Variants in BTBD9 observed in about 807,000 individuals in gnomAD.
BTBD9 encodes the protein BTB/POZ domain-containing protein 9.
BTBD9 carries 49 observed loss-of-function variants against 64.3 expected under a neutral mutation model. The ratio of observed to expected loss-of-function variants is 0.76; its 90% CI spans 0.61 to 0.97. The LOEUF is 0.97. Among genes scored for constraint, BTBD9 ranks in the 50% least tolerant of loss-of-function variants. BTBD9 has a pLI of 0.00. For missense variants in BTBD9, 598 were observed against 762.1 expected (o/e 0.78, Z 2.53); for synonymous variants, 260 against 274.7 (o/e 0.95, Z 0.53).
chr6:38,376,769 C>T (rs1765709065), intron 6 of BTBD9, among the ~76,000 whole-genome samples: 1 of 152,108 alleles, frequency 6.6e-6, no homozygotes. Flanking sequence ...ACTCTGGGTA[C>T]TCAAGAACTC....
intron 6 of BTBD9, among the ~76,000 whole-genome samples, chr6:38,561,081 C>A (rs1331631087): frequency 2.6e-5 from 4 of 152,042 alleles, no homozygotes; most frequent in African/African-American, 9.7e-5. Context: ...AATTTATAAT[C>A]CGTTGGGTAT....
chr6:38,578,709 G>A (rs1399972691), intron 5 of BTBD9, among the ~76,000 whole-genome samples: 1 of 152,092 alleles, frequency 6.6e-6, no homozygotes, highest in African/African-American at 2.4e-5. Context: ...CAACATGTCA[G>A]AATCTTTTTG....
chr6:38,586,909 A>G (rs1328719356), intron 4 of BTBD9, among the ~76,000 whole-genome samples: 1 of 151,878 alleles, frequency 6.6e-6, no homozygotes, highest in African/African-American at 2.4e-5. Flanking sequence ...CTAAATATAC[A>G]AAAATTAGCC....
intron 6 of BTBD9, among the ~76,000 whole-genome samples, chr6:38,345,361 T>C (rs1267915947): frequency 6.6e-6 from 1 of 152,232 alleles, no homozygotes; most frequent in Non-Finnish European, 1.5e-5. Context: ...CCAAACCAGG[T>C]ACTGTTCAGT....
intron 1 of BTBD9, among the ~76,000 whole-genome samples, chr6:38,613,233 C>T (rs896477125): frequency 4.6e-5 from 7 of 152,130 alleles, no homozygotes; most frequent in Non-Finnish European, 7.4e-5. Flanking sequence ...ACAAGGCTTG[C>T]GTTTGTAACT....
At position 38,598,052 on chromosome 6, in the gene BTBD9, C is replaced by A. The variant is rs369202125; in HGVS notation, c.43G>T (p.Glu15Ter). 2 of 1,613,916 alleles carry A rather than the reference C, an allele frequency of 1.2e-6. No individual in the cohort carries two copies. Among genetic ancestry groups the A allele is most frequent in the East Asian group, 2.2e-5 (1 of 44,886 alleles). The part of the protein sequence containing the change: ...HPLRPFTAVG[E>*]IDHVHILSEH... ...GACAAAATGTGCACATGATCAATTT[C>A]CCCCACTGCAGTAAAGGGGCGAAGA... Residue 15 changes from glutamate (E) to a stop codon, truncating the protein, a stop_gained, in exon 2 of 11, where the codon GAA becomes TAA. Coordinates refer to ENST00000481247, the MANE Select transcript of BTBD9 (RefSeq NM_001099272.2). LOFTEE classifies it high-confidence loss of function.
At chr6:38,436,218 G>C (rs1768729038) in intron 6 of BTBD9, among the ~76,000 whole-genome samples, 1 of 151,714 alleles carries the variant, frequency 6.6e-6, no homozygotes, top group African/African-American at 2.4e-5. Context: ...AGTAGAATGA[G>C]GAACACCCAA....
intron 8 of BTBD9, among the ~76,000 whole-genome samples, chr6:38,269,515 C>T (rs560045037): frequency 1.1e-3 from 170 of 152,198 alleles, no homozygotes; most frequent in Middle Eastern, 3.4e-3. Flanking sequence ...ACATTAATAA[C>T]GCTGGCTTTC....
intron 7 of BTBD9, among the ~76,000 whole-genome samples, chr6:38,323,433 A>C (rs1041555646): frequency 3.3e-5 from 5 of 152,352 alleles, no homozygotes; most frequent in Admixed American, 2.0e-4. Context: ...AGAACAAAGC[A>C]GTGTGTCTCC....
At chr6:38,558,360 C>A (rs35477034) in intron 6 of BTBD9, among the ~76,000 whole-genome samples, 1 of 152,088 alleles carries the variant, frequency 6.6e-6, no homozygotes, top group Non-Finnish European at 1.5e-5. Context: ...AATTTGACTT[C>A]TACTCTTCCT....
chr6:38,440,151 T>C (rs1422335600), intron 6 of BTBD9, among the ~76,000 whole-genome samples: 9 of 152,134 alleles, frequency 5.9e-5, no homozygotes, highest in African/African-American at 1.9e-4. Flanking sequence ...TCAGCATAGA[T>C]ATAGTTTAAA....
At chr6:38,417,339 C>G (rs1767712011) in intron 6 of BTBD9, among the ~76,000 whole-genome samples, 1 of 152,218 alleles carries the variant, frequency 6.6e-6, no homozygotes, top group African/African-American at 2.4e-5. Context: ...CTTACATTGC[C>G]TGGGACATGC....
At chr6:38,302,047 G>C (rs994352580) in intron 7 of BTBD9, among the ~76,000 whole-genome samples, 4 of 152,050 alleles carry the variant, frequency 2.6e-5, no homozygotes, top group African/African-American at 9.7e-5. Flanking sequence ...ATGATGTTTC[G>C]ATACGTGTAT....
intron 6 of BTBD9, among the ~76,000 whole-genome samples, chr6:38,408,391 T>G (rs780398182): frequency 2.0e-5 from 3 of 152,088 alleles, no homozygotes; most frequent in Non-Finnish European, 4.4e-5. Flanking sequence ...AGTTCTCATA[T>G]TCTCTTACTT....
chr6:38,423,240 G>C lies in BTBD9; in HGVS notation c.1155-78147C>G, dbSNP rs188168963. ...AGATCTCTCCAGTACACTCCAGCCT[G>C]GGCAACAGACAGAGACTCTGTCCCC... On this transcript the variant is annotated intron_variant, in intron 6 of 10. Coordinates refer to ENST00000481247, the MANE Select transcript of BTBD9 (RefSeq NM_001099272.2). 6.9e-3 allele frequency among the ~76,000 whole-genome samples: 1,049 copies of C among 152,064 alleles called. 7 individuals are homozygous for C. Among genetic ancestry groups the C allele is most frequent in the African/African-American group, 0.024 (992 of 41,498 alleles).
intron 9 of BTBD9, among the ~76,000 whole-genome samples, chr6:38,234,360 G>A (rs1763709871): frequency 6.6e-6 from 1 of 152,178 alleles, no homozygotes; most frequent in African/African-American, 2.4e-5. Flanking sequence ...CAGCTGCTTG[G>A]GCCCAGGTAT....
chr6:38,247,630 G>T (rs1764256365), intron 9 of BTBD9, among the ~76,000 whole-genome samples: 1 of 152,230 alleles, frequency 6.6e-6, no homozygotes, highest in South Asian at 2.1e-4. Flanking sequence ...ACTCAGATGG[G>T]AATGAACTTT....
chr6:38,460,638 T>G (rs997089055), intron 6 of BTBD9, among the ~76,000 whole-genome samples: 5 of 152,224 alleles, frequency 3.3e-5, no homozygotes, highest in Non-Finnish European at 7.3e-5. Context: ...GTTTTTGTTT[T>G]TTTGAGACGT....
At chr6:38,297,821 G>T (rs569441212) in intron 7 of BTBD9, among the ~76,000 whole-genome samples, 1 of 148,536 alleles carries the variant, frequency 6.7e-6, no homozygotes, top group African/African-American at 2.5e-5. Context: ...TTACCTTTCT[G>T]CCCATTCTGC....
Sources: gnomAD v4.1 joint callset for allele counts (sites outside exome capture counted in the v4.1 genomes callset) on GRCh38, gnomAD v4.1.1 for gene constraint, MANE v1.5 for transcripts, NCBI Gene and HGNC (gene_info 2026-07-23, HGNC 2026-07-21) for gene names.